The following RBMS3 variants were observed in gnomAD, a reference collection of about 807,000 sequenced individuals.
RBMS3 encodes RNA-binding motif, single-stranded-interacting protein 3.
A neutral mutation model predicts 66.8 loss-of-function variants in RBMS3; 27 were observed. That is an observed-to-expected ratio of 0.40 (90% CI 0.30 to 0.56). RBMS3 has a LOEUF of 0.56. Ranked by LOEUF, RBMS3 falls within the 20% of genes least tolerant of loss-of-function variation. The pLI is 0.40. For missense variants in RBMS3, 513 were observed against 549.5 expected, an observed-to-expected ratio of 0.93 and a Z score of 0.66; for synonymous variants, 188 against 183.0, an observed-to-expected ratio of 1.03 and a Z score of -0.22.
At chr3:29,293,402 A>G (rs2032982111) in intron 1 of RBMS3, among the ~76,000 whole-genome samples, 1 of 151,760 alleles carries the variant, frequency 6.6e-6, no homozygotes, top group Non-Finnish European at 1.5e-5. Flanking sequence ...GTTTGAGGCC[A>G]CTAATGTGCC....
chr3:29,989,084 C>T (rs1172469083), intron 13 of RBMS3, among the ~76,000 whole-genome samples: 3 of 152,288 alleles, frequency 2.0e-5, no homozygotes, highest in East Asian at 1.9e-4. Context: ...GAAACCATTG[C>T]TCTAGGCCAT....
At chr3:29,633,434 T>C (rs1388737886) in intron 4 of RBMS3, among the ~76,000 whole-genome samples, 1 of 151,882 alleles carries the variant, frequency 6.6e-6, no homozygotes, top group Non-Finnish European at 1.5e-5. Flanking sequence ...TATAGTATAA[T>C]ATTACTGTTT....
chr3:29,943,513 A>T (rs1054221274), intron 11 of RBMS3, among the ~76,000 whole-genome samples: 22 of 151,940 alleles, frequency 1.4e-4, no homozygotes, highest in African/African-American at 5.1e-4. Flanking sequence ...AATGATTGCC[A>T]TGTAGTTTAA....
intron 3 of RBMS3, among the ~76,000 whole-genome samples, chr3:29,577,127 C>A (rs1471708630): frequency 6.6e-6 from 1 of 152,152 alleles, no homozygotes; most frequent in Non-Finnish European, 1.5e-5. Flanking sequence ...GGTTATGAAT[C>A]CTTCCAGGAC....
At chr3:29,334,976 A>G (rs1307041398) in intron 1 of RBMS3, among the ~76,000 whole-genome samples, 2 of 152,202 alleles carry the variant, frequency 1.3e-5, no homozygotes, top group East Asian at 3.9e-4. Context: ...CAATGGAAGC[A>G]TTGTTTGATG....
chr3:29,686,473 C>G (rs1381113993), intron 4 of RBMS3, among the ~76,000 whole-genome samples: 1 of 152,018 alleles, frequency 6.6e-6, no homozygotes, highest in African/African-American at 2.4e-5. Flanking sequence ...TTGCTTGAGG[C>G]CAGGAGTTTA....
At chr3:29,464,579 T>A (rs538400760) in intron 2 of RBMS3, among the ~76,000 whole-genome samples, 4 of 152,284 alleles carry the variant, frequency 2.6e-5, no homozygotes, top group East Asian at 1.9e-4. Context: ...AAATCTTTTT[T>A]AAAAAATTTC....
intron 4 of RBMS3, among the ~76,000 whole-genome samples, chr3:29,693,528 A>G (rs1426564623): frequency 6.6e-6 from 1 of 152,178 alleles, no homozygotes; most frequent in Non-Finnish European, 1.5e-5. Context: ...TTATTTATTG[A>G]CTATGATCTT....
chr3:29,933,515 A>G (rs994638325), intron 10 of RBMS3, among the ~76,000 whole-genome samples: 1 of 152,096 alleles, frequency 6.6e-6, no homozygotes, highest in African/African-American at 2.4e-5. Context: ...CCCTGACTGT[A>G]CATTTCTTCC....
chr3:29,868,260 T>C (rs1001394093), intron 6 of RBMS3, among the ~76,000 whole-genome samples: 4 of 152,346 alleles, frequency 2.6e-5, no homozygotes, highest in Admixed American at 2.6e-4. Context: ...ATTTTTATCA[T>C]GTGGGTTCAC....
chr3:29,562,712 C>T (rs1287628851), intron 3 of RBMS3, among the ~76,000 whole-genome samples: 1 of 152,180 alleles, frequency 6.6e-6, no homozygotes, highest in Admixed American at 6.5e-5. Flanking sequence ...GCCGGTATCA[C>T]CTTTCCTCCT....
chr3:29,410,201 G>T (rs1349087264), intron 1 of RBMS3, among the ~76,000 whole-genome samples: 1 of 152,188 alleles, frequency 6.6e-6, no homozygotes, highest in Non-Finnish European at 1.5e-5. Context: ...AAATTATTCT[G>T]ACTTGAACCC....
intron 12 of RBMS3, among the ~76,000 whole-genome samples, chr3:29,959,970 G>A (rs553153105): frequency 1.1e-4 from 16 of 151,904 alleles, no homozygotes; most frequent in Admixed American, 2.0e-4. Context: ...ATTTCACCCC[G>A]GCCCCTCCCA....
At chr3:29,475,237 GTTTCT>G (rs1019322926) in intron 2 of RBMS3, among the ~76,000 whole-genome samples, 3 of 151,010 alleles carry the variant, frequency 2.0e-5, no homozygotes, top group East Asian at 1.9e-4. Flanking sequence ...GCTTTAATAA[GTTTCT>G]TTTCTTTTCT....
chr3:29,646,842 G>A (rs140729162), intron 4 of RBMS3, among the ~76,000 whole-genome samples: 1 of 152,116 alleles, frequency 6.6e-6, no homozygotes, highest in Non-Finnish European at 1.5e-5. Flanking sequence ...AATCTCCCAC[G>A]TGATTTGGGT....
At chr3:29,395,678 A>C (rs187601596) in intron 1 of RBMS3, among the ~76,000 whole-genome samples, 114 of 152,326 alleles carry the variant, frequency 7.5e-4, no homozygotes, top group African/African-American at 2.6e-3. Context: ...TTTCTCAAAA[A>C]TATTGTTGGC....
At chr3:29,454,873 A>G (rs749232282) in intron 2 of RBMS3, among the ~76,000 whole-genome samples, 8 of 152,214 alleles carry the variant, frequency 5.3e-5, no homozygotes, top group Non-Finnish European at 1.0e-4. Context: ...GAAAAATTCT[A>G]TTAGTAGTTT....
intron 1 of RBMS3, among the ~76,000 whole-genome samples, chr3:29,368,240 A>G (rs2038011417): frequency 6.6e-6 from 1 of 152,220 alleles, no homozygotes; most frequent in Non-Finnish European, 1.5e-5. Flanking sequence ...GGAAAAAACC[A>G]TCAAGGTCTG....
At chr3:29,776,513 A>G (rs1282230529) in intron 6 of RBMS3, among the ~76,000 whole-genome samples, 2 of 152,020 alleles carry the variant, frequency 1.3e-5, no homozygotes, top group Non-Finnish European at 2.9e-5. Context: ...CTTAAAGTAT[A>G]GTAAAAAAAA....
Sources: allele counts gnomAD v4.1 joint callset (sites outside exome capture counted in the v4.1 genomes callset), GRCh38; gene constraint gnomAD v4.1.1; transcripts MANE v1.5; gene names NCBI Gene and HGNC (gene_info 2026-07-23, HGNC 2026-07-21).